GABRG3: variants seen among roughly 807,000 people sequenced by gnomAD.
The protein encoded by GABRG3 is gamma-aminobutyric acid type A receptor subunit gamma3.
GABRG3 carries 25 observed loss-of-function variants against 48.8 expected under a neutral mutation model. The ratio of observed to expected loss-of-function variants is 0.51; its 90% CI spans 0.37 to 0.72. The LOEUF is 0.72. GABRG3 is among the 30% of genes least tolerant of loss of function. The pLI, the probability that GABRG3 is intolerant of heterozygous loss-of-function variation, is 0.00. For synonymous variants in GABRG3, 227 were observed against 217.6 expected (o/e 1.04, Z -0.38); for missense variants, 394 against 577.9 (o/e 0.68, Z 3.26).
intron 5 of GABRG3, among the ~76,000 whole-genome samples, chr15:27,370,621 G>C (rs1008856565): frequency 3.3e-4 from 50 of 152,226 alleles, no homozygotes; most frequent in African/African-American, 1.2e-3. Flanking sequence ...CAGAGGAGGA[G>C]TAGGTTCCTC....
chr15:27,507,842 G>A (rs148964346), intron 6 of GABRG3, among the ~76,000 whole-genome samples: 1,568 of 152,128 alleles, frequency 0.01, 27 homozygotes, highest in African/African-American at 0.036. Flanking sequence ...TTGAATCTCT[G>A]TTGATAAGTA....
At chr15:27,046,505 G>C (rs1290249256) in intron 3 of GABRG3, among the ~76,000 whole-genome samples, 2 of 152,230 alleles carry the variant, frequency 1.3e-5, no homozygotes, top group Non-Finnish European at 2.9e-5. Context: ...TCCCTTGCCT[G>C]TGCTGATCAC....
rs530980281 is a variant in GABRG3 at position 27,164,052 on chromosome 15, A to T, written c.270+137231A>T. On this transcript the variant is annotated intron_variant, in intron 3 of 9. Coordinates refer to ENST00000615808, the MANE Select transcript of GABRG3 (RefSeq NM_033223.5). ...AAATTTTATTGTAATTACACATAGAATAAATTAGAATGTTTCACACATAAA... is the reference window on the plus strand; with the variant it reads ...AAATTTTATTGTAATTACACATAGATTAAATTAGAATGTTTCACACATAAA... Among the ~76,000 whole-genome samples the T allele has an allele frequency of 5.3e-5, 8 of 152,360 alleles. No individual in the cohort carries two copies. The South Asian group carries it at 1.4e-3, about 28-fold the overall frequency.
At chr15:27,229,999 A>G (rs992620936) in intron 3 of GABRG3, among the ~76,000 whole-genome samples, 1 of 152,182 alleles carries the variant, frequency 6.6e-6, no homozygotes, top group Admixed American at 6.5e-5. Context: ...CAGTATGGAC[A>G]TTTTAATATT....
chr15:27,096,353 A>G (rs1439589315), intron 3 of GABRG3, among the ~76,000 whole-genome samples: 1 of 152,240 alleles, frequency 6.6e-6, no homozygotes, highest in Non-Finnish European at 1.5e-5. Flanking sequence ...CTGGTCAACC[A>G]TATGAATCAT....
chr15:27,400,829 G>T (rs1167417102), intron 5 of GABRG3, among the ~76,000 whole-genome samples: 1 of 152,186 alleles, frequency 6.6e-6, no homozygotes, highest in African/African-American at 2.4e-5. Context: ...ACGTGCATTA[G>T]TGTAGGGACG....
At chr15:27,279,952 T>G (rs988669692) in intron 3 of GABRG3, among the ~76,000 whole-genome samples, 1 of 152,156 alleles carries the variant, frequency 6.6e-6, no homozygotes, top group African/African-American at 2.4e-5. Context: ...AGCATATAGA[T>G]CCTATATAGA....
At chr15:27,010,650 C>A (rs991570070) in intron 2 of GABRG3, among the ~76,000 whole-genome samples, 1 of 152,006 alleles carries the variant, frequency 6.6e-6, no homozygotes, top group Non-Finnish European at 1.5e-5. Flanking sequence ...ACACATTTCC[C>A]TCTCCCCTTT....
chr15:27,063,191 A>AAC (rs1423624769), intron 3 of GABRG3, among the ~76,000 whole-genome samples: 27 of 152,264 alleles, frequency 1.8e-4, no homozygotes, highest in African/African-American at 6.5e-4. Flanking sequence ...GCAGCTGACC[A>AAC]ACACAGCTTC....
chr15:26,971,831 CT>C (rs1053870422), intron 1 of GABRG3, among the ~76,000 whole-genome samples: 3 of 152,144 alleles, frequency 2.0e-5, no homozygotes, highest in African/African-American at 7.2e-5. Context: ...TCTCCTGACG[CT>C]TTTAGGATCT....
At chr15:27,434,698 G>A (rs1354461673) in intron 5 of GABRG3, among the ~76,000 whole-genome samples, 1 of 152,142 alleles carries the variant, frequency 6.6e-6, no homozygotes, top group Non-Finnish European at 1.5e-5. Context: ...ACTGGCCATT[G>A]AGGGCAGTGA....
intron 3 of GABRG3, among the ~76,000 whole-genome samples, chr15:27,298,858 GTCAGGTTC>G (rs1394981818): frequency 3.3e-5 from 5 of 151,914 alleles, no homozygotes. Flanking sequence ...CCCAACAGGG[GTCAGGTTC>G]CTGACCATAT....
intron 3 of GABRG3, among the ~76,000 whole-genome samples, chr15:27,126,319 C>T (rs550912881): frequency 6.6e-6 from 1 of 152,222 alleles, no homozygotes. Context: ...CAAAGCTACC[C>T]AGCATGTAGG....
intron 5 of GABRG3, among the ~76,000 whole-genome samples, chr15:27,353,796 A>G (rs1260252431): frequency 6.6e-6 from 1 of 152,160 alleles, no homozygotes; most frequent in Non-Finnish European, 1.5e-5. Context: ...AAGTAACCAT[A>G]TCCAAGAAGT....
chr15:27,436,565 G>A (rs977543722), intron 5 of GABRG3, among the ~76,000 whole-genome samples: 1 of 152,210 alleles, frequency 6.6e-6, no homozygotes, highest in Non-Finnish European at 1.5e-5. Flanking sequence ...TAGTAACATG[G>A]TAACATGATT....
chr15:27,270,989 A>G (rs1184218288), intron 3 of GABRG3, among the ~76,000 whole-genome samples: 1 of 152,226 alleles, frequency 6.6e-6, no homozygotes, highest in African/African-American at 2.4e-5. Context: ...AGGAAGAAAC[A>G]GTAGAGGAAA....
chr15:27,370,709 A>C (rs1373784418), intron 5 of GABRG3, among the ~76,000 whole-genome samples: 1 of 152,234 alleles, frequency 6.6e-6, no homozygotes, highest in Non-Finnish European at 1.5e-5. Flanking sequence ...ACAAGCCTGC[A>C]ATGAATTTTA....
chr15:27,311,651 A>C (rs942201685), intron 3 of GABRG3, among the ~76,000 whole-genome samples: 34 of 149,828 alleles, frequency 2.3e-4, no homozygotes, highest in African/African-American at 6.4e-4. Flanking sequence ...GAAAAAAAAA[A>C]CAGTTAGACA....
At chr15:27,164,110 A>G (rs2140406012) in intron 3 of GABRG3, among the ~76,000 whole-genome samples, 1 of 152,344 alleles carries the variant, frequency 6.6e-6, no homozygotes, top group South Asian at 2.1e-4. Context: ...TTTTACTTGG[A>G]AAATGCTCAA....
Sources: allele counts gnomAD v4.1 joint callset (sites outside exome capture counted in the v4.1 genomes callset), GRCh38; gene constraint gnomAD v4.1.1; transcripts MANE v1.5; gene names NCBI Gene and HGNC (gene_info 2026-07-23, HGNC 2026-07-21).